The following LIPI variants were observed in gnomAD, a reference collection of about 807,000 sequenced individuals.
The protein encoded by LIPI is lipase member I.
In LIPI, 59 loss-of-function variants were observed where a neutral mutation model predicts 50.6. The observed-to-expected ratio is 1.16, with a 90% CI of 0.94 to 1.45. The LOEUF (loss-of-function observed/expected upper bound fraction) is 1.45. LIPI is among the 40% of genes most tolerant of loss of function. LIPI has a pLI of 0.00. For missense variants in LIPI, 586 were observed against 536.3 expected, an observed-to-expected ratio of 1.09 and a Z score of -0.92; for synonymous variants, 203 against 178.2, an observed-to-expected ratio of 1.14 and a Z score of -1.11.
In LIPI at chr21:14,178,598, C is replaced by G. The variant is rs190423919; in HGVS notation, c.643+3160G>C. Reference sequence around the variant, plus strand: ...CTAATTTTTTGTTAAATTTTTCAGTCTTCTACCTTTTTGAAAATATTAATA... The same window carrying G: ...CTAATTTTTTGTTAAATTTTTCAGTGTTCTACCTTTTTGAAAATATTAATA... On this transcript the variant is annotated intron_variant, in intron 4 of 9. Transcript: ENST00000681601. 2.1e-4 allele frequency among the ~76,000 whole-genome samples: 32 copies of G among 152,126 alleles called. No individual in the cohort carries two copies. The East Asian group carries it at 2.7e-3, about 13-fold the overall frequency.
At chr21:14,136,594 G>A (rs769453556) in intron 9 of LIPI, among the ~76,000 whole-genome samples, 3 of 151,956 alleles carry the variant, frequency 2.0e-5, no homozygotes, top group South Asian at 2.1e-4. Flanking sequence ...GACTCTAGTC[G>A]CTGACCCCTG....
At position 14,165,398 on chromosome 21, in the gene LIPI, G is replaced by C; in HGVS notation, c.734-8C>G. The C allele has an allele frequency of 6.3e-7, 1 of 1,593,522 alleles. No individual in the cohort carries two copies. The highest frequency in any genetic ancestry group is 8.6e-7 in the Non-Finnish European group (1 of 1,164,776). ...ATTTAATGAATTGAATTCCTTAAGG[G>C]TTAAAAAAAAAACAAAGAACTGTAG... On this transcript the variant is annotated splice_polypyrimidine_tract_variant and splice_region_variant and intron_variant, in intron 5 of 9. Coordinates refer to ENST00000681601, the MANE Select transcript of LIPI (RefSeq NM_001302998.2).
chr21:14,208,524 A>T (rs2020283376), intron 1 of LIPI, among the ~76,000 whole-genome samples: 1 of 152,328 alleles, frequency 6.6e-6, no homozygotes, highest in African/African-American at 2.4e-5. Flanking sequence ...TGTTTTTTAC[A>T]TGTTTAAATG....
chr21:14,191,563 C>A (rs1046057820), intron 1 of LIPI, among the ~76,000 whole-genome samples: 7 of 151,786 alleles, frequency 4.6e-5, no homozygotes, highest in Non-Finnish European at 8.8e-5. Flanking sequence ...GGTACACAGG[C>A]AATTTTAAAT....
At chr21:14,113,080 A>C (rs1241038706) in intron 9 of LIPI, among the ~76,000 whole-genome samples, 1 of 152,232 alleles carries the variant, frequency 6.6e-6, no homozygotes. Flanking sequence ...GCAGGACCTG[A>C]AAGGTTTAAC....
chr21:14,167,318 T>C (rs2018725174), intron 4 of LIPI, among the ~76,000 whole-genome samples: 1 of 152,204 alleles, frequency 6.6e-6, no homozygotes, highest in Non-Finnish European at 1.5e-5. Context: ...CAGTAACCTC[T>C]GCAGACTTAA....
chr21:14,181,838 C>G lies in LIPI; in HGVS notation c.563G>C (p.Arg188Thr), dbSNP rs750388491. Residue 188 changes from arginine to threonine, a missense_variant, in exon 4 of 10, where the codon AGG (arginine) becomes ACG (threonine). Coordinates refer to ENST00000681601, the MANE Select transcript of LIPI (RefSeq NM_001302998.2). ...GCTATATGGTGGTTTTCTGGAGAAC[C>G]TTGGCCCAGCAGGGTCAAGACCTGG... ...RITGLDPAGP[R>T]FSRKPPYSRL... 2.5e-6 allele frequency: 4 copies of G among 1,611,370 alleles called. No individual in the cohort carries two copies. The South Asian group carries it at 3.3e-5, about 13-fold the overall frequency.
chr21:14,184,464 C>G (rs996866139), intron 3 of LIPI, among the ~76,000 whole-genome samples: 4 of 151,760 alleles, frequency 2.6e-5, no homozygotes, highest in Admixed American at 1.3e-4. Context: ...TACCCTAAAA[C>G]TTAAAGTATA....
intron 8 of LIPI, among the ~76,000 whole-genome samples, chr21:14,146,263 T>C (rs2017900232): frequency 6.6e-6 from 1 of 151,348 alleles, no homozygotes; most frequent in African/African-American, 2.4e-5. Flanking sequence ...AAATGACTCA[T>C]CTTCTCCAAC....
chr21:14,153,442 G>T lies in LIPI; in HGVS notation c.1007-758C>A, dbSNP rs573442432. 5.9e-5 allele frequency among the ~76,000 whole-genome samples: 9 copies of T among 152,294 alleles called. No homozygotes were observed. In the East Asian group the frequency reaches 1.7e-3, roughly 29 times the overall value. ...TGATTCACCTTGCCCATATAAATGG[G>T]CATTCAGACTTGCTCAGATTATTTC... On this transcript the variant is annotated intron_variant, in intron 7 of 9. Coordinates refer to ENST00000681601, the MANE Select transcript of LIPI (RefSeq NM_001302998.2).
chr21:14,166,319 T>C, intron 5 of LIPI, 43 bp downstream of exon 5: 1 of 1,069,934 alleles, frequency 9.3e-7, no homozygotes, highest in Non-Finnish European at 1.5e-6. Context: ...TCTTTCATCA[T>C]TTCGAATATT....
intron 7 of LIPI, among the ~76,000 whole-genome samples, chr21:14,160,277 A>G (rs1239701054): frequency 6.6e-6 from 1 of 151,418 alleles, no homozygotes; most frequent in Non-Finnish European, 1.5e-5. Context: ...AGAAAAAGAA[A>G]TGAACACATA....
At position 14,109,167 on chromosome 21, in the gene LIPI, A is replaced by G; in HGVS notation, c.1296-87T>C. The G allele has an allele frequency of 5.8e-6, 6 of 1,026,200 alleles. No homozygotes were observed. In the South Asian group the frequency reaches 7.7e-5, roughly 13 times the overall value. The allele number at this position is 1,026,200 out of a possible 1,614,324, so 63.6% of individuals were successfully genotyped here. A position where few individuals can be genotyped will look rare whatever the true frequency, so the allele number is the denominator to read the frequency against. The stretch of plus-strand genomic sequence containing the variant: ...TTCCTTCTCTCATTAATATTAGAAT[A>G]GTCCATGCCTGTAACTAGCTAGTTC... On this transcript the variant is annotated intron_variant, in intron 9 of 9. Transcript: ENST00000681601.
intron 2 of LIPI, among the ~76,000 whole-genome samples, chr21:14,187,102 T>C (rs1234220044): frequency 2.0e-5 from 3 of 152,180 alleles, no homozygotes; most frequent in Non-Finnish European, 2.9e-5. Flanking sequence ...TCAGAGATGA[T>C]GAAATTAATT....
intron 9 of LIPI, among the ~76,000 whole-genome samples, chr21:14,128,171 GT>G (rs1313738708): frequency 6.6e-6 from 1 of 151,996 alleles, no homozygotes; most frequent in Non-Finnish European, 1.5e-5. Context: ...TTAAATGCAT[GT>G]TTCAACTGTA....
At chr21:14,207,739 C>T (rs1412811245) in intron 1 of LIPI, among the ~76,000 whole-genome samples, 1 of 151,944 alleles carries the variant, frequency 6.6e-6, no homozygotes, top group East Asian at 1.9e-4. Context: ...GAAGCACACA[C>T]GGAGAAGTTT....
intron 7 of LIPI, among the ~76,000 whole-genome samples, chr21:14,156,885 TG>T (rs2123114456): frequency 6.6e-6 from 1 of 151,940 alleles, no homozygotes; most frequent in African/African-American, 2.4e-5. Flanking sequence ...GTGAGAAATA[TG>T]GATGTCTAAT....
intron 4 of LIPI, among the ~76,000 whole-genome samples, chr21:14,175,328 GT>G (rs576646116): frequency 1.2e-4 from 19 of 152,122 alleles, no homozygotes; most frequent in African/African-American, 4.6e-4. Flanking sequence ...TCTTGTTTGG[GT>G]TTTAATTTAT....
intron 1 of LIPI, among the ~76,000 whole-genome samples, chr21:14,191,463 T>G (rs558550549): frequency 1.1e-4 from 16 of 150,896 alleles, no homozygotes; most frequent in Non-Finnish European, 2.1e-4. Flanking sequence ...AAAGAATATA[T>G]ATGATATGTG....
Sources: allele counts gnomAD v4.1 joint callset (sites outside exome capture counted in the v4.1 genomes callset), GRCh38; gene constraint gnomAD v4.1.1; transcripts MANE v1.5; gene names NCBI Gene and HGNC (gene_info 2026-07-23, HGNC 2026-07-21).